The following ZFHX3 variants were observed in gnomAD, a reference collection of about 807,000 sequenced individuals.
The protein encoded by ZFHX3 is zinc finger homeobox protein 3.
A neutral mutation model predicts 279.1 loss-of-function variants in ZFHX3; 42 were observed. The observed-to-expected ratio is 0.15, with a 90% confidence interval of 0.12 to 0.19. The LOEUF is 0.19. Ranked by LOEUF, ZFHX3 falls within the 10% of genes least tolerant of loss-of-function variation. The pLI is 1.00. For synonymous variants in ZFHX3, 2,293 were observed against 1,957.8 expected, an observed-to-expected ratio of 1.17 and a Z score of -4.52; for missense variants, 4,981 against 4,754.0, an observed-to-expected ratio of 1.05 and a Z score of -1.40.
intron 5 of ZFHX3, among the ~76,000 whole-genome samples, chr16:73,178,203 T>A (rs1215539812): frequency 1.3e-5 from 2 of 152,054 alleles, no homozygotes; most frequent in South Asian, 4.1e-4. Flanking sequence ...AGTGGTGTGA[T>A]CCTGGCTCAC....
intron 7 of ZFHX3, among the ~76,000 whole-genome samples, chr16:73,116,718 G>C (rs1054438596): frequency 1.3e-5 from 2 of 152,210 alleles, no homozygotes; most frequent in African/African-American, 2.4e-5. Context: ...GGTTGGCTAA[G>C]AGAGGTTCTT....
In ZFHX3 at chr16:72,798,377, C is replaced by T. The variant is rs934156022; in HGVS notation, c.4305G>A (p.Gln1435=). 6.2e-7 allele frequency: 1 copy of T among 1,614,222 alleles called. No homozygotes were observed. Among genetic ancestry groups the T allele is most frequent in the Admixed American group, 1.7e-5 (1 of 60,030 alleles). The change falls in exon 9 of 10, where the codon CAG becomes CAA. Residue 1435 remains glutamine (Q), a synonymous_variant. Transcript: ENST00000268489. Reference sequence around the variant, plus strand: ...GAGCCTGGAAAGTTCGGAAACTGCGCTGACAAAGACAGCACATGGTGGCAG... The same window carrying T: ...GAGCCTGGAAAGTTCGGAAACTGCGTTGACAAAGACAGCACATGGTGGCAG... ...IRAATMCCLC[Q]RSFRTFQALK...
rs190882867 is a variant in ZFHX3 at position 73,517,988 on chromosome 16, T to C, written c.-1546-61730A>G. On this transcript the variant is annotated intron_variant, in intron 2 of 17. Coordinates refer to the ZFHX3 transcript ENST00000641206. ...GTACATTTTATTCAGCCCAGTATATTACCCAGGTTACTATTATTTCAACAC... is the reference window on the plus strand; with the variant it reads ...GTACATTTTATTCAGCCCAGTATATCACCCAGGTTACTATTATTTCAACAC... Among the ~76,000 whole-genome samples the C allele has an allele frequency of 1.1e-4, 16 of 152,334 alleles. No homozygotes were observed. In the East Asian group the frequency reaches 3.1e-3, roughly 29 times the overall value.
At position 72,822,441 on chromosome 16, in the gene ZFHX3, C is replaced by T. The variant is rs775018628; in HGVS notation, c.3529+7338G>A. 3.9e-5 allele frequency among the ~76,000 whole-genome samples: 6 copies of T among 152,268 alleles called. No individual in the cohort carries two copies. The East Asian group carries it at 1.2e-3, about 29-fold the overall frequency. On this transcript the variant is annotated intron_variant, in intron 5 of 9. Transcript: ENST00000268489. ...TTCCCAATCTGTGAGGCTTAGTTCTCGAGGCTGCAAAACGAAGGTAGCATT... is the reference window on the plus strand; with the variant it reads ...TTCCCAATCTGTGAGGCTTAGTTCTTGAGGCTGCAAAACGAAGGTAGCATT...
intron 1 of ZFHX3, among the ~76,000 whole-genome samples, chr16:73,743,588 G>A (rs564434653): frequency 6.6e-6 from 1 of 152,144 alleles, no homozygotes; most frequent in Admixed American, 6.5e-5. Flanking sequence ...TAAATATATG[G>A]AAGTATGACA....
intron 8 of ZFHX3, among the ~76,000 whole-genome samples, chr16:72,799,364 C>A (rs955368902): frequency 1.3e-5 from 2 of 152,026 alleles, no homozygotes; most frequent in African/African-American, 4.8e-5. Flanking sequence ...TCATAAATAC[C>A]GAGACCCTTT....
chr16:72,787,945 G>A lies in ZFHX3; in HGVS notation c.10331C>T (p.Ala3444Val), dbSNP rs760787685. The change falls in exon 10 of 10, where the codon GCA (alanine) becomes GTA (valine). Residue 3444 changes from alanine to valine, a missense_variant. This residue lies in a region of ZFHX3 where 1,034 missense variants were observed against 786.0 expected (regional missense o/e 1.32). Coordinates refer to ENST00000268489, the MANE Select transcript of ZFHX3 (RefSeq NM_006885.4). ...GAGGGAGTCCGCACTTTTGCTTTCT[G>A]CTTCTGGCTCTTCAGGGAGTTTCGG... ...LLPKLPEEPEAESKSADSLYD... is the reference protein window; with the variant it reads ...LLPKLPEEPEVESKSADSLYD... 1.2e-6 allele frequency: 2 copies of A among 1,613,802 alleles called. No individual in the cohort carries two copies. The highest frequency in any genetic ancestry group is 3.3e-5 in the Admixed American group (2 of 59,996).
intron 1 of ZFHX3, among the ~76,000 whole-genome samples, chr16:73,821,893 C>T (rs537406219): frequency 1.8e-4 from 28 of 152,252 alleles, no homozygotes; most frequent in African/African-American, 6.7e-4. Flanking sequence ...CTGAGATTCC[C>T]ATATAGCCTA....
chr16:73,416,809 G>A lies in ZFHX3; in HGVS notation c.-1291+39194C>T, dbSNP rs567218881. ...GAATGGCGTGAACTCGGGAGGCGGA[G>A]CCTGCAGTGAGCCGAGATCGCGCCA... On this transcript the variant is annotated intron_variant, in intron 3 of 17. Transcript: ENST00000641206. Among the ~76,000 whole-genome samples, 4 of 148,046 alleles carry A rather than the reference G, an allele frequency of 2.7e-5. 1 individual carries two copies. Among genetic ancestry groups the A allele is most frequent in the Non-Finnish European group, 6.1e-5 (4 of 65,746 alleles).
At chr16:73,718,806 G>T (rs2053444034) in intron 1 of ZFHX3, among the ~76,000 whole-genome samples, 1 of 151,808 alleles carries the variant, frequency 6.6e-6, no homozygotes, top group African/African-American at 2.4e-5. Context: ...AATAGAGACG[G>T]GGTTTCGCCA....
chr16:73,031,282 G>A (rs77351898), intron 1 of ZFHX3, among the ~76,000 whole-genome samples: 3 of 152,190 alleles, frequency 2.0e-5, no homozygotes, highest in Admixed American at 6.5e-5. Flanking sequence ...CTGGCGGCGG[G>A]GGGGGAAGTA....
chr16:73,586,821 G>A (rs1209691173), intron 2 of ZFHX3, among the ~76,000 whole-genome samples: 5 of 152,054 alleles, frequency 3.3e-5, no homozygotes, highest in Admixed American at 3.3e-4. Flanking sequence ...AGTATTAGAT[G>A]ACTTAAAAAT....
chr16:73,764,499 A>T (rs1359206162), intron 1 of ZFHX3, among the ~76,000 whole-genome samples: 1 of 152,170 alleles, frequency 6.6e-6, no homozygotes, highest in Non-Finnish European at 1.5e-5. Flanking sequence ...ATTCATAGTG[A>T]TCTTATTGCA....
chr16:73,449,987 C>T (rs1204276981), intron 3 of ZFHX3, among the ~76,000 whole-genome samples: 1 of 152,072 alleles, frequency 6.6e-6, no homozygotes, highest in Non-Finnish European at 1.5e-5. Context: ...TGCAATACTT[C>T]TGATATTTGT....
At chr16:72,873,321 G>A (rs2038213490) in intron 4 of ZFHX3, among the ~76,000 whole-genome samples, 1 of 152,228 alleles carries the variant, frequency 6.6e-6, no homozygotes, top group African/African-American at 2.4e-5. Context: ...GAATGCCTCT[G>A]AATGACTCCA....
exon 1 of ZFHX3, chr16:73,058,738 G>T: frequency 1.3e-5 from 2 of 154,188 alleles, no homozygotes; most frequent in East Asian, 1.9e-4. Context: ...GAGCTGGAGC[G>T]CGCTCGGCGG....
At chr16:73,410,204 T>A (rs1567475379) in intron 3 of ZFHX3, among the ~76,000 whole-genome samples, 1 of 152,088 alleles carries the variant, frequency 6.6e-6, no homozygotes, top group Admixed American at 6.5e-5. Flanking sequence ...TCACCTGAGG[T>A]CAGGAGTTTG....
At chr16:73,791,529 A>G (rs1959825123) in intron 1 of ZFHX3, among the ~76,000 whole-genome samples, 1 of 152,018 alleles carries the variant, frequency 6.6e-6, no homozygotes, top group Admixed American at 6.5e-5. Context: ...GGTTCAAGTG[A>G]TTCCCCTGCC....
intron 2 of ZFHX3, among the ~76,000 whole-genome samples, chr16:73,585,272 T>C (rs927998614): frequency 5.3e-5 from 8 of 152,080 alleles, no homozygotes; most frequent in South Asian, 2.1e-4. Context: ...AAAAATTATC[T>C]GGGTGTGGTG....
Sources: gnomAD v4.1 joint callset for allele counts (sites outside exome capture counted in the v4.1 genomes callset) on GRCh38, gnomAD v4.1.1 for gene constraint, gnomAD v4.1.1 regional missense constraint, MANE v1.5 for transcripts, NCBI Gene and HGNC (gene_info 2026-07-23, HGNC 2026-07-21) for gene names.